ZNF618: variants seen among roughly 807,000 people sequenced by gnomAD.
ZNF618 encodes the protein neural precursor cell expressed, developmentally down-regulated 10.
Under a neutral mutation model 103.0 loss-of-function variants are expected in ZNF618, and 34 were observed. The observed-to-expected ratio is 0.33, with a 90% CI of 0.25 to 0.44. The LOEUF is 0.44. ZNF618 is among the 20% of genes least tolerant of loss of function. The pLI is 1.00. For synonymous variants in ZNF618, 551 were observed against 542.2 expected (o/e 1.02, Z -0.23); for missense variants, 1,059 against 1,295.4 (o/e 0.82, Z 2.80).
intron 1 of ZNF618, among the ~76,000 whole-genome samples, chr9:113,903,458 C>T (rs1378397506): frequency 6.7e-6 from 1 of 149,908 alleles, no homozygotes; most frequent in Non-Finnish European, 1.5e-5. Flanking sequence ...TATGTTAGCC[C>T]CAATAAATCT....
intron 2 of ZNF618, 135 bp downstream of exon 2, chr9:113,969,295 A>T: frequency 3.7e-6 from 4 of 1,068,004 alleles, no homozygotes; most frequent in Non-Finnish European, 5.7e-6. Flanking sequence ...GGCAAGAAGT[A>T]TCCAGACTTC....
At chr9:113,968,637 C>A (rs1035943210) in intron 1 of ZNF618, among the ~76,000 whole-genome samples, 1 of 152,156 alleles carries the variant, frequency 6.6e-6, no homozygotes, top group South Asian at 2.1e-4. Flanking sequence ...CCCCTCCCCC[C>A]ACACCCAAAT....
intron 3 of ZNF618, among the ~76,000 whole-genome samples, chr9:113,992,332 G>C (rs1170304132): frequency 6.6e-6 from 1 of 152,150 alleles, no homozygotes; most frequent in Non-Finnish European, 1.5e-5. Context: ...CACCCAGGAA[G>C]TTGGTGACAT....
intron 10 of ZNF618, among the ~76,000 whole-genome samples, chr9:114,019,797 CCAGTTGATTTTCATA>C (rs1350396337): frequency 6.6e-6 from 1 of 152,058 alleles, no homozygotes; most frequent in African/African-American, 2.4e-5. Flanking sequence ...CTCTGGCATG[CCAGTTGATTTTCATA>C]CAGCATCATT....
chr9:113,882,611 C>A (rs560395256), intron 1 of ZNF618, among the ~76,000 whole-genome samples: 4 of 152,316 alleles, frequency 2.6e-5, no homozygotes, highest in Admixed American at 6.5e-5. Flanking sequence ...TGCTTTAAAA[C>A]AGCCTGCCAT....
At chr9:114,020,540 T>C (rs1258689408) in intron 10 of ZNF618, among the ~76,000 whole-genome samples, 2 of 152,154 alleles carry the variant, frequency 1.3e-5, no homozygotes, top group African/African-American at 4.8e-5. Flanking sequence ...TTTCATTCCA[T>C]ATCTCCAAGT....
At chr9:113,978,265 G>T (rs17792105) in intron 2 of ZNF618, among the ~76,000 whole-genome samples, 23,787 of 152,256 alleles carry the variant, frequency 0.16, 2,270 homozygotes, top group Middle Eastern at 0.27. Context: ...GGACACTGTG[G>T]TTCTGCTCCA....
Position 114,016,636 on chromosome 9 carries a change from G to A in ZNF618, c.755-59G>A, listed in dbSNP as rs1388848083. On this transcript the variant is annotated intron_variant, in intron 9 of 14. Transcript: ENST00000374126. Reference sequence around the variant, plus strand: ...GTTTTTTGGGGGGTGGGAGCACGCTGATGCTTCTTGGTGGAGGCCAGTTGC... The same window carrying A: ...GTTTTTTGGGGGGTGGGAGCACGCTAATGCTTCTTGGTGGAGGCCAGTTGC... 2.1e-6 allele frequency: 3 copies of A among 1,400,154 alleles called. No homozygotes were observed. The African/African-American group carries it at 4.2e-5, about 20-fold the overall frequency. 86.7% of individuals were successfully genotyped at this position (1,400,154 alleles called of 1,614,324 possible).
chr9:113,937,437 C>G (rs1834123789), intron 1 of ZNF618, among the ~76,000 whole-genome samples: 1 of 152,224 alleles, frequency 6.6e-6, no homozygotes, highest in African/African-American at 2.4e-5. Flanking sequence ...CTTAGCAAAT[C>G]TACAGACCTT....
In ZNF618 at chr9:114,028,766, C is replaced by T; in HGVS notation, c.878C>T (p.Pro293Leu). The change falls in exon 11 of 15, where the codon CCA (proline) becomes CTA (leucine). Residue 293 changes from proline (P) to leucine (L), a missense_variant. This residue lies in a region of ZNF618 where 434 missense variants were observed against 476.0 expected (regional missense o/e 0.91). Coordinates refer to ENST00000374126, the MANE Select transcript of ZNF618 (RefSeq NM_001318042.2). ...TAPGWEPPDD[P>L]DTGSECSHPE... Reference sequence around the variant, plus strand: ...CCCGGGTGGGAGCCACCGGATGATCCAGACACGGGCTCTGAGTGTTCACAT... The same window carrying T: ...CCCGGGTGGGAGCCACCGGATGATCTAGACACGGGCTCTGAGTGTTCACAT... 1 of 1,550,558 alleles carries T rather than the reference C, an allele frequency of 6.4e-7. No individual in the cohort carries two copies. The highest frequency in any genetic ancestry group is 8.7e-7 in the Non-Finnish European group (1 of 1,146,988).
chr9:113,911,591 C>T (rs1030239284), intron 1 of ZNF618, among the ~76,000 whole-genome samples: 3 of 151,748 alleles, frequency 2.0e-5, no homozygotes, highest in African/African-American at 7.3e-5. Flanking sequence ...GGCCTCCCAA[C>T]GTGCTGGGAT....
At chr9:113,994,936 A>C (rs1840422062) in intron 3 of ZNF618, among the ~76,000 whole-genome samples, 1 of 152,224 alleles carries the variant, frequency 6.6e-6, no homozygotes. Context: ...TGTAAAAAAA[A>C]AAAAAAGGTG....
At chr9:113,883,552 G>C (rs74632739) in intron 1 of ZNF618, among the ~76,000 whole-genome samples, 5,217 of 152,210 alleles carry the variant, frequency 0.034, 313 homozygotes, top group African/African-American at 0.12. Context: ...TGTGTGATGT[G>C]ACCCCATTTT....
chr9:113,942,247 CTT>C (rs200706075), intron 1 of ZNF618, among the ~76,000 whole-genome samples: 25 of 144,554 alleles, frequency 1.7e-4, no homozygotes, highest in South Asian at 2.2e-4. Flanking sequence ...AATAGTTCTC[CTT>C]TTTTTTTTTT....
intron 1 of ZNF618, among the ~76,000 whole-genome samples, chr9:113,957,169 A>G (rs1027082717): frequency 3.3e-5 from 5 of 152,254 alleles, no homozygotes; most frequent in African/African-American, 1.2e-4. Flanking sequence ...TTTAAAAAGT[A>G]TATTAATTTT....
chr9:114,027,725 C>T (rs1433369420), intron 10 of ZNF618, among the ~76,000 whole-genome samples: 2 of 152,202 alleles, frequency 1.3e-5, no homozygotes, highest in East Asian at 3.9e-4. Flanking sequence ...CCTCCACCTG[C>T]CTGGGCCAGG....
At chr9:113,968,342 A>G (rs1837617039) in intron 1 of ZNF618, among the ~76,000 whole-genome samples, 1 of 152,200 alleles carries the variant, frequency 6.6e-6, no homozygotes, top group South Asian at 2.1e-4. Flanking sequence ...ATGCACCTGA[A>G]TTTCAGACCT....
intron 1 of ZNF618, among the ~76,000 whole-genome samples, chr9:113,953,851 C>T (rs1835999224): frequency 6.6e-6 from 1 of 152,060 alleles, no homozygotes; most frequent in African/African-American, 2.4e-5. Flanking sequence ...GATGGATGTC[C>T]AGCTGTGAAG....
intron 4 of ZNF618, among the ~76,000 whole-genome samples, chr9:114,000,403 T>C (rs1841073103): frequency 6.6e-6 from 1 of 152,224 alleles, no homozygotes; most frequent in Non-Finnish European, 1.5e-5. Flanking sequence ...CCACGGCCCG[T>C]GACCGCATGT....
Sources: allele counts gnomAD v4.1 joint callset (sites outside exome capture counted in the v4.1 genomes callset), GRCh38; gene constraint gnomAD v4.1.1; regional missense constraint gnomAD v4.1.1; transcripts MANE v1.5; gene names NCBI Gene and HGNC (gene_info 2026-07-23, HGNC 2026-07-21).